IPO11: variants seen among roughly 807,000 people sequenced by gnomAD.
IPO11 encodes the protein importin 11.
Under a neutral mutation model 143.2 loss-of-function variants are expected in IPO11, and 66 were observed. That is an observed-to-expected ratio of 0.46 (90% confidence interval 0.38 to 0.57). The LOEUF is 0.57. Among genes scored for constraint, IPO11 ranks in the 20% least tolerant of loss-of-function variants. The probability of loss-of-function intolerance (pLI) is 0.00; values close to 1 mark genes in which losing one functional copy is unlikely to be tolerated. For missense variants in IPO11, 1,026 were observed against 1,141.0 expected, an observed-to-expected ratio of 0.90 and a Z score of 1.45; for synonymous variants, 385 against 377.8, an observed-to-expected ratio of 1.02 and a Z score of -0.22.
At position 62,467,304 on chromosome 5, in the gene IPO11, C is replaced by T. The variant is rs753383959; in HGVS notation, c.649+41C>T. On this transcript the variant is annotated intron_variant, in intron 6 of 29. Coordinates refer to ENST00000325324, the MANE Select transcript of IPO11 (RefSeq NM_016338.5). Reference sequence around the variant, plus strand: ...ATATGTTCATTTTTGAAATGAGATACCTCAGAACAGTCACCAAATAGTTCC... The same window carrying T: ...ATATGTTCATTTTTGAAATGAGATATCTCAGAACAGTCACCAAATAGTTCC... 15 of 1,572,306 alleles carry T rather than the reference C, an allele frequency of 9.5e-6. No homozygotes were observed. The East Asian group carries it at 3.4e-4, about 35-fold the overall frequency.
At chr5:62,429,186 C>G (rs1480302024) in intron 1 of IPO11, among the ~76,000 whole-genome samples, 2 of 152,128 alleles carry the variant, frequency 1.3e-5, no homozygotes, top group African/African-American at 4.8e-5. Context: ...AATTCCCCAG[C>G]CTAGGGAACC....
chr5:62,542,523 A>G (rs1388244434), intron 24 of IPO11, among the ~76,000 whole-genome samples: 1 of 152,098 alleles, frequency 6.6e-6, no homozygotes, highest in Non-Finnish European at 1.5e-5. Context: ...TTAATATAGT[A>G]TGTTATATAA....
At chr5:62,576,979 A>G (rs1048270880) in intron 27 of IPO11, among the ~76,000 whole-genome samples, 1 of 152,226 alleles carries the variant, frequency 6.6e-6, no homozygotes, top group African/African-American at 2.4e-5. Context: ...CAAGAATGAG[A>G]GGAAAACAGC....
chr5:62,615,862 A>G (rs1301205054), intron 29 of IPO11, among the ~76,000 whole-genome samples: 2 of 152,186 alleles, frequency 1.3e-5, no homozygotes, highest in Non-Finnish European at 2.9e-5. Context: ...GGTTACTGTG[A>G]ATCTCAATTT....
chr5:62,549,389 G>A (rs1373288053), intron 24 of IPO11, among the ~76,000 whole-genome samples: 3 of 152,144 alleles, frequency 2.0e-5, no homozygotes, highest in Admixed American at 6.5e-5. Context: ...CTTGATGGTC[G>A]TAATTTTTGG....
At chr5:62,608,750 C>T (rs1372367609) in intron 29 of IPO11, among the ~76,000 whole-genome samples, 1 of 152,172 alleles carries the variant, frequency 6.6e-6, no homozygotes, top group African/African-American at 2.4e-5. Context: ...CAGCTGATGA[C>T]CCTACATTGA....
chr5:62,509,404 A>G (rs1741671189), intron 19 of IPO11, among the ~76,000 whole-genome samples: 1 of 152,166 alleles, frequency 6.6e-6, no homozygotes, highest in Non-Finnish European at 1.5e-5. Context: ...TCATGTTTTC[A>G]GTGATATGAA....
intron 3 of IPO11, 23 bp from the exon 4 acceptor site, chr5:62,449,904 T>C: frequency 1.4e-6 from 2 of 1,448,412 alleles, no homozygotes; most frequent in Non-Finnish European, 1.8e-6. Flanking sequence ...TTTTGCATAA[T>C]CAATACTTTT....
chr5:62,578,735 A>C (rs1167181224), intron 27 of IPO11: 2 of 469,298 alleles, frequency 4.3e-6, no homozygotes, highest in Non-Finnish European at 8.8e-6. Context: ...TCTGTTTTAC[A>C]CATTGACTGT....
At chr5:62,536,608 A>G (rs1742743304) in intron 22 of IPO11, 94 bp from the exon 23 acceptor site, 6 of 1,412,402 alleles carry the variant, frequency 4.2e-6, no homozygotes, top group Non-Finnish European at 4.7e-6. Context: ...AGAGTATGCA[A>G]ATTAGTTTTA....
chr5:62,580,580 TA>T (rs1300330992), intron 27 of IPO11: 13 of 1,551,362 alleles, frequency 8.4e-6, no homozygotes, highest in Non-Finnish European at 1.0e-5. Flanking sequence ...GCCATTACTC[TA>T]AACATCTATT....
chr5:62,618,697 CA>C (rs959330689), intron 29 of IPO11, among the ~76,000 whole-genome samples: 8 of 150,488 alleles, frequency 5.3e-5, no homozygotes, highest in African/African-American at 1.2e-4. Context: ...TTAATTTTAC[CA>C]AAAAAAAATT....
intron 1 of IPO11, among the ~76,000 whole-genome samples, chr5:62,428,969 C>T (rs183405691): frequency 1.4e-3 from 212 of 152,288 alleles, no homozygotes; most frequent in South Asian, 0.011. Flanking sequence ...ATGGCCATCT[C>T]TTGTGGATTT....
chr5:62,439,069 A>G (rs1215382582), intron 2 of IPO11, among the ~76,000 whole-genome samples: 1 of 151,824 alleles, frequency 6.6e-6, no homozygotes, highest in Non-Finnish European at 1.5e-5. Flanking sequence ...AAAAAAAAAA[A>G]AAAAAAAATC....
intron 5 of IPO11, among the ~76,000 whole-genome samples, chr5:62,453,010 T>C (rs1372726208): frequency 1.3e-5 from 2 of 150,794 alleles, no homozygotes; most frequent in African/African-American, 2.5e-5. Context: ...TCTGTAATTG[T>C]AGAGAAATTA....
At chr5:62,418,923 A>C in intron 1 of IPO11, 1 of 1,429,636 alleles carries the variant, frequency 7.0e-7, no homozygotes, top group Non-Finnish European at 9.4e-7. Context: ...TAGAAGATAC[A>C]GTCACGAGTT....
intron 24 of IPO11, among the ~76,000 whole-genome samples, chr5:62,539,838 C>A (rs889944906): frequency 5.3e-5 from 8 of 152,112 alleles, no homozygotes; most frequent in Non-Finnish European, 1.2e-4. Context: ...ACAATTTCAG[C>A]TTCAGCTTTT....
intron 24 of IPO11, among the ~76,000 whole-genome samples, chr5:62,548,172 A>T (rs747729338): frequency 6.6e-6 from 1 of 152,074 alleles, no homozygotes; most frequent in African/African-American, 2.4e-5. Flanking sequence ...AAGCTGAGAC[A>T]TGTAGTCAGC....
chr5:62,604,261 T>A (rs1337177065), intron 29 of IPO11, among the ~76,000 whole-genome samples: 1 of 152,120 alleles, frequency 6.6e-6, no homozygotes, highest in Non-Finnish European at 1.5e-5. Context: ...CAGGCTGGAG[T>A]GCAGTGGTAT....
Sources: allele counts gnomAD v4.1 joint callset (sites outside exome capture counted in the v4.1 genomes callset), GRCh38; gene constraint gnomAD v4.1.1; transcripts MANE v1.5; gene names NCBI Gene and HGNC (gene_info 2026-07-23, HGNC 2026-07-21).